Variants in PTPRM observed in about 807,000 individuals in gnomAD.
The protein encoded by PTPRM is protein tyrosine phosphatase receptor type M, also known as receptor-type tyrosine-protein phosphatase mu.
PTPRM carries 47 observed loss-of-function variants against 186.7 expected under a neutral mutation model. That is an observed-to-expected ratio of 0.25 (90% CI 0.20 to 0.32). The LOEUF (loss-of-function observed/expected upper bound fraction) is 0.32. Among genes scored for constraint, PTPRM ranks in the 10% least tolerant of loss-of-function variants. The pLI, the probability that PTPRM is intolerant of heterozygous loss-of-function variation, is 1.00. For missense variants in PTPRM, 1,494 were observed against 1,865.0 expected (o/e 0.80, Z 3.66); for synonymous variants, 668 against 674.9 (o/e 0.99, Z 0.16).
At chr18:7,582,016 T>C (rs2036859428) in intron 1 of PTPRM, among the ~76,000 whole-genome samples, 1 of 152,166 alleles carries the variant, frequency 6.6e-6, no homozygotes, top group Middle Eastern at 3.2e-3. Context: ...TTTACATAGG[T>C]AGAAATGTGT....
intron 14 of PTPRM, among the ~76,000 whole-genome samples, chr18:8,177,376 C>G (rs1036762039): frequency 1.5e-4 from 23 of 152,188 alleles, no homozygotes; most frequent in African/African-American, 5.5e-4. Flanking sequence ...ATTCACAAAT[C>G]TGGCAGCCCT....
At chr18:8,244,035 A>G (rs748014837) in intron 14 of PTPRM, 23 bp from the exon 15 acceptor site, 11 of 1,600,046 alleles carry the variant, frequency 6.9e-6, no homozygotes, top group African/African-American at 2.7e-5. Flanking sequence ...GCATGCCTAC[A>G]TAATTGAATT....
intron 1 of PTPRM, among the ~76,000 whole-genome samples, chr18:7,661,744 A>G (rs539729081): frequency 1.3e-5 from 2 of 152,340 alleles, no homozygotes; most frequent in African/African-American, 4.8e-5. Flanking sequence ...AATACTTCCA[A>G]TAGACTCCTG....
intron 7 of PTPRM, among the ~76,000 whole-genome samples, chr18:7,985,030 TATA>T (rs2082829158): frequency 8.0e-6 from 1 of 124,862 alleles, no homozygotes; most frequent in South Asian, 2.4e-4. Flanking sequence ...TATATACATA[TATA>T]AATATATACA....
At chr18:8,267,503 G>A (rs992764646) in intron 19 of PTPRM, among the ~76,000 whole-genome samples, 1 of 151,122 alleles carries the variant, frequency 6.6e-6, no homozygotes, top group African/African-American at 2.4e-5. Context: ...ATATTTTAAG[G>A]CATTACAATC....
chr18:8,111,539 G>A (rs1353656407), intron 11 of PTPRM, among the ~76,000 whole-genome samples: 1 of 152,046 alleles, frequency 6.6e-6, no homozygotes, highest in Non-Finnish European at 1.5e-5. Flanking sequence ...CGTGAACCCA[G>A]GAGGCAGAGC....
intron 2 of PTPRM, among the ~76,000 whole-genome samples, chr18:7,874,044 T>C (rs2048108635): frequency 6.6e-6 from 1 of 152,086 alleles, no homozygotes; most frequent in Non-Finnish European, 1.5e-5. Flanking sequence ...ATTATATTAT[T>C]GGTAAAGGAT....
chr18:8,118,799 C>CAA (rs71354599), intron 13 of PTPRM, among the ~76,000 whole-genome samples: 2,019 of 119,208 alleles, frequency 0.017, 13 homozygotes, highest in African/African-American at 0.03. Context: ...CATTCCATCT[C>CAA]AAAAAAAAAA....
chr18:7,789,644 A>T (rs1254499702), intron 2 of PTPRM, among the ~76,000 whole-genome samples: 1 of 152,174 alleles, frequency 6.6e-6, no homozygotes, highest in African/African-American at 2.4e-5. Context: ...GATGTAATCA[A>T]GACAGCCAGA....
chr18:8,071,472 C>T (rs996007796), intron 8 of PTPRM, among the ~76,000 whole-genome samples: 1 of 152,218 alleles, frequency 6.6e-6, no homozygotes, highest in African/African-American at 2.4e-5. Context: ...CACTCACTCA[C>T]TAATCTTAAA....
chr18:8,121,511 A>C (rs999464313), intron 13 of PTPRM, among the ~76,000 whole-genome samples: 1 of 152,176 alleles, frequency 6.6e-6, no homozygotes, highest in Non-Finnish European at 1.5e-5. Flanking sequence ...GTGCAGGCAA[A>C]CTAAGAAGCC....
intron 31 of PTPRM, among the ~76,000 whole-genome samples, chr18:8,392,495 C>T (rs1033175700): frequency 6.6e-6 from 1 of 151,944 alleles, no homozygotes; most frequent in Non-Finnish European, 1.5e-5. Context: ...GGCATGGTGG[C>T]AGGTGCCTGT....
intron 3 of PTPRM, among the ~76,000 whole-genome samples, chr18:7,902,093 A>T (rs965671573): frequency 6.6e-6 from 1 of 152,226 alleles, no homozygotes; most frequent in Non-Finnish European, 1.5e-5. Context: ...ATCAACAAAG[A>T]TTGCTTTTCT....
chr18:8,052,125 G>A (rs2087546475), intron 7 of PTPRM, among the ~76,000 whole-genome samples: 1 of 152,094 alleles, frequency 6.6e-6, no homozygotes, highest in African/African-American at 2.4e-5. Context: ...AAGCTTCCAG[G>A]CGATGCTGCT....
chr18:7,899,777 G>A (rs1050225997), intron 3 of PTPRM, among the ~76,000 whole-genome samples: 2 of 152,046 alleles, frequency 1.3e-5, no homozygotes, highest in South Asian at 2.1e-4. Context: ...AAATGAGTTA[G>A]GTTTTATTTT....
intron 2 of PTPRM, among the ~76,000 whole-genome samples, chr18:7,831,703 G>A (rs969046349): frequency 6.6e-6 from 1 of 152,004 alleles, no homozygotes; most frequent in Non-Finnish European, 1.5e-5. Context: ...TCAAATACTA[G>A]GTCTTATTCA....
At chr18:8,395,172 G>A (rs1345714295) in intron 32 of PTPRM, among the ~76,000 whole-genome samples, 6 of 151,980 alleles carry the variant, frequency 3.9e-5, no homozygotes, top group Admixed American at 2.0e-4. Flanking sequence ...GCCAACCACC[G>A]TGACTCTAGA....
chr18:8,253,383 C>T lies in PTPRM; in HGVS notation c.2723C>T (p.Ala908Val), dbSNP rs773443231. 1.2e-5 allele frequency: 18 copies of T among 1,552,216 alleles called. No homozygotes were observed. The highest frequency in any genetic ancestry group is 9.8e-5 in the East Asian group (4 of 41,010). The change falls in exon 19 of 33, where the codon GCG (alanine) becomes GTG (valine). Residue 908 changes from alanine to valine, a missense_variant. By Grantham distance (64) the Ala-to-Val change is moderately conservative. This residue lies in a region of PTPRM where 1,107 missense variants were observed against 1,350.2 expected (regional missense o/e 0.82). Transcript: ENST00000580170. Reference protein sequence around the residue: ...LLQHITQMKCAEGYGFKEEYE... With the variant: ...LLQHITQMKCVEGYGFKEEYE... Reference sequence around the variant, plus strand: ...CAGCACATCACACAGATGAAGTGTGCGGAGGGCTACGGCTTCAAGGAGGAA... The same window carrying T: ...CAGCACATCACACAGATGAAGTGTGTGGAGGGCTACGGCTTCAAGGAGGAA...
intron 5 of PTPRM, among the ~76,000 whole-genome samples, chr18:7,931,159 A>G (rs2051461149): frequency 6.6e-6 from 1 of 152,220 alleles, no homozygotes; most frequent in South Asian, 2.1e-4. Flanking sequence ...ATCTATTCAT[A>G]TAAACATGGA....
Sources: gnomAD v4.1 joint callset for allele counts (sites outside exome capture counted in the v4.1 genomes callset) on GRCh38, gnomAD v4.1.1 for gene constraint, gnomAD v4.1.1 regional missense constraint, MANE v1.5 for transcripts, NCBI Gene and HGNC (gene_info 2026-07-23, HGNC 2026-07-21) for gene names.